Variants in TENM4 observed in about 807,000 individuals in gnomAD.
TENM4 encodes teneurin transmembrane protein 4, also known as teneurin-4.
A neutral mutation model predicts 243.3 loss-of-function variants in TENM4; 82 were observed. The observed-to-expected ratio is 0.34, with a 90% CI of 0.28 to 0.40. The LOEUF (loss-of-function observed/expected upper bound fraction) is 0.40, where lower values mean the gene tolerates loss of function less well. Among genes scored for constraint, TENM4 ranks in the 10% least tolerant of loss-of-function variants. The pLI is 1.00. For synonymous variants in TENM4, 1,412 were observed against 1,456.3 expected, an observed-to-expected ratio of 0.97 and a Z score of 0.69; for missense variants, 3,138 against 3,673.3, an observed-to-expected ratio of 0.85 and a Z score of 3.77.
intron 6 of TENM4, among the ~76,000 whole-genome samples, chr11:78,926,683 T>TG (rs1372691126): frequency 9.2e-5 from 13 of 142,024 alleles, no homozygotes; most frequent in African/African-American, 3.0e-4. Context: ...TTTTGTTTTT[T>TG]TTTTTTTCTG....
intron 6 of TENM4, among the ~76,000 whole-genome samples, chr11:79,064,078 C>G (rs934147496): frequency 1.1e-4 from 13 of 114,824 alleles, no homozygotes; most frequent in African/African-American, 3.8e-4. Flanking sequence ...TCTCTCATCT[C>G]ACATACTTAT....
chr11:78,812,169 C>T lies in TENM4; in HGVS notation c.1931G>A (p.Gly644Asp), dbSNP rs1168084848. ...GTAGCCAGGGTTGCAGATGCAGGTGCCCGTGATGCAGGTGCCATGGTTGCT... is the reference window on the plus strand; with the variant it reads ...GTAGCCAGGGTTGCAGATGCAGGTGTCCGTGATGCAGGTGCCATGGTTGCT... ...ACSNHGTCIT[G>D]TCICNPGYKG... The change falls in exon 14 of 34, where the codon GGC becomes GAC. Residue 644 changes from glycine (G) to aspartate (D), a missense_variant. Coordinates refer to ENST00000278550, the MANE Select transcript of TENM4 (RefSeq NM_001098816.3). 3.2e-6 allele frequency: 5 copies of T among 1,551,768 alleles called. No homozygotes were observed. Among genetic ancestry groups the T allele is most frequent in the Non-Finnish European group, 4.4e-6 (5 of 1,147,046 alleles).
chr11:79,064,766 G>T lies in TENM4; in HGVS notation c.465C>A (p.Thr155=). 1 of 1,551,610 alleles carries T rather than the reference G, an allele frequency of 6.4e-7. No homozygotes were observed. Among genetic ancestry groups the T allele is most frequent in the African/African-American group, 1.4e-5 (1 of 73,110 alleles). The change falls in exon 6 of 34, where the codon ACC becomes ACA. Residue 155 remains threonine (T), a synonymous_variant. Coordinates refer to ENST00000278550, the MANE Select transcript of TENM4 (RefSeq NM_001098816.3). ...TCTCAGTGTTTTCATGCTCGGTGTC[G>T]GTGAGTGTGAGATTGGAATTGGCCC... ...SSRANSNLTL[T]DTEHENTETD...
intron 15 of TENM4, among the ~76,000 whole-genome samples, chr11:78,800,725 G>C (rs1007329422): frequency 7.5e-6 from 1 of 133,216 alleles, no homozygotes; most frequent in African/African-American, 2.9e-5. Context: ...TGACCTCACA[G>C]AGTTCACAGG....
At chr11:79,390,812 C>A (rs890454068) in intron 1 of TENM4, among the ~76,000 whole-genome samples, 2 of 152,206 alleles carry the variant, frequency 1.3e-5, no homozygotes, top group Non-Finnish European at 2.9e-5. Flanking sequence ...CACTGCTGAG[C>A]CTCAGGTCCT....
intron 3 of TENM4, among the ~76,000 whole-genome samples, chr11:79,186,578 C>G (rs1346233742): frequency 1.3e-5 from 2 of 152,136 alleles, no homozygotes; most frequent in Non-Finnish European, 2.9e-5. Context: ...TAACCCAGAG[C>G]CAGTTTACGG....
chr11:78,885,560 T>A (rs1191019726), intron 9 of TENM4, among the ~76,000 whole-genome samples: 1 of 152,238 alleles, frequency 6.6e-6, no homozygotes, highest in East Asian at 1.9e-4. Context: ...TGAAAATACC[T>A]GTAAATGTAT....
intron 3 of TENM4, among the ~76,000 whole-genome samples, chr11:79,203,452 A>C (rs647813): frequency 0.18 from 27,823 of 152,218 alleles, 2,995 homozygotes; most frequent in East Asian, 0.43. Context: ...CAGAGGATAC[A>C]TTCCAAGGTC....
chr11:78,958,868 T>C (rs1184897976), intron 6 of TENM4, among the ~76,000 whole-genome samples: 1 of 152,218 alleles, frequency 6.6e-6, no homozygotes, highest in Non-Finnish European at 1.5e-5. Context: ...CTGTTGAGGG[T>C]GGTCTCCAAG....
chr11:79,286,379 C>T (rs796192967), intron 2 of TENM4, among the ~76,000 whole-genome samples: 74 of 151,568 alleles, frequency 4.9e-4, no homozygotes, highest in African/African-American at 1.6e-3. Flanking sequence ...AGGATGGGCA[C>T]GGTGGCTCAT....
chr11:79,192,417 T>C (rs1863533510), intron 3 of TENM4, among the ~76,000 whole-genome samples: 1 of 152,226 alleles, frequency 6.6e-6, no homozygotes, highest in African/African-American at 2.4e-5. Context: ...TTTTGTTCTG[T>C]ACTAAGAAAA....
intron 6 of TENM4, among the ~76,000 whole-genome samples, chr11:78,958,887 T>C (rs1007246201): frequency 6.6e-5 from 10 of 152,234 alleles, no homozygotes; most frequent in East Asian, 1.9e-4. Flanking sequence ...AGGTCTCAAA[T>C]TGGTGGAAGG....
At chr11:79,048,346 TC>T (rs59643250) in intron 6 of TENM4, among the ~76,000 whole-genome samples, 10,198 of 152,242 alleles carry the variant, frequency 0.067, 1,119 homozygotes, top group African/African-American at 0.23. Flanking sequence ...CCACCTTTTT[TC>T]CAGTGACCAC....
intron 6 of TENM4, among the ~76,000 whole-genome samples, chr11:79,012,938 G>A (rs1858682251): frequency 6.6e-6 from 1 of 152,174 alleles, no homozygotes; most frequent in Non-Finnish European, 1.5e-5. Context: ...ATGACACTGA[G>A]GCTCCAGGGG....
chr11:78,717,975 G>A (rs1051156860), intron 25 of TENM4, among the ~76,000 whole-genome samples: 2 of 152,190 alleles, frequency 1.3e-5, no homozygotes, highest in South Asian at 4.1e-4. Context: ...GAGCATGCCC[G>A]ACACAGCAGG....
At chr11:78,833,710 G>A (rs545401095) in intron 12 of TENM4, among the ~76,000 whole-genome samples, 1 of 152,344 alleles carries the variant, frequency 6.6e-6, no homozygotes, top group East Asian at 1.9e-4. Flanking sequence ...CATGTCAGCA[G>A]AGTGCATTTT....
intron 24 of TENM4, among the ~76,000 whole-genome samples, chr11:78,721,525 G>T (rs541526071): frequency 8.5e-5 from 13 of 152,318 alleles, no homozygotes; most frequent in South Asian, 2.1e-4. Flanking sequence ...CGAGGCAGAG[G>T]TGTGTAATGA....
Position 78,676,330 on chromosome 11 carries a change from G to T in TENM4, c.5318C>A (p.Ala1773Asp). The change falls in exon 30 of 34, where the codon GCC (alanine) becomes GAC (aspartate). Residue 1773 changes from alanine to aspartate, a missense_variant. Coordinates refer to ENST00000278550, the MANE Select transcript of TENM4 (RefSeq NM_001098816.3). ...GADGSLRLLL[A>D]NGMEVALQTE... Reference sequence around the variant, plus strand: ...CTGCAGCGCCACCTCCATGCCGTTGGCCAGCAGCAGCCGCAAGGAGCCATC... The same window carrying T: ...CTGCAGCGCCACCTCCATGCCGTTGTCCAGCAGCAGCCGCAAGGAGCCATC... 6.2e-7 allele frequency: 1 copy of T among 1,610,314 alleles called. No homozygotes were observed. The highest frequency in any genetic ancestry group is 8.5e-7 in the Non-Finnish European group (1 of 1,177,040).
rs920481770 is a variant in TENM4 at position 79,438,680 on chromosome 11, G to A, written c.-321+1829C>T. Among the ~76,000 whole-genome samples the A allele has an allele frequency of 2.0e-5, 3 of 152,164 alleles. No individual in the cohort carries two copies. Among genetic ancestry groups the A allele is most frequent in the Non-Finnish European group, 2.9e-5 (2 of 68,020 alleles). On this transcript the variant is annotated intron_variant, in intron 1 of 33. Coordinates refer to ENST00000278550, the MANE Select transcript of TENM4 (RefSeq NM_001098816.3). The surrounding 1 kb of genome is among the most constrained non-coding windows in gnomAD (Gnocchi z 4.1). The stretch of plus-strand genomic sequence containing the variant: ...AAGGGCGGAAAAGAGGGGCTTTGGG[G>A]CTCCCCAGGACACCAAGTCAGTTTC...
Sources: gnomAD v4.1 joint callset for allele counts (sites outside exome capture counted in the v4.1 genomes callset) on GRCh38, gnomAD v4.1.1 for gene constraint, Gnocchi (gnomAD v3.1) non-coding constraint, MANE v1.5 for transcripts, NCBI Gene and HGNC (gene_info 2026-07-23, HGNC 2026-07-21) for gene names.